Variants in OR2T2 observed in about 807,000 individuals in gnomAD.
OR2T2 encodes olfactory receptor family 2 subfamily T member 2.
For missense variants in OR2T2, 138 were observed against 409.1 expected, an observed-to-expected ratio of 0.34 and a Z score of 5.72; for synonymous variants, 50 against 162.7, an observed-to-expected ratio of 0.31 and a Z score of 5.27.
At chr1:248,450,320 C>G (rs553108999) in intron 2 of OR2T2, among the ~76,000 whole-genome samples, 1 of 142,698 alleles carries the variant, frequency 7.0e-6, no homozygotes. Context: ...CACATGTACA[C>G]ACAACGCTCA....
chr1:248,446,989 G>A (rs1662676661), intron 2 of OR2T2, among the ~76,000 whole-genome samples, 178 bp downstream of exon 2: 1 of 147,530 alleles, frequency 6.8e-6, no homozygotes, highest in South Asian at 2.1e-4. Flanking sequence ...TTTCCAAATT[G>A]TCAGTTGGGA....
At chr1:248,449,866 G>A (rs1259945866) in intron 2 of OR2T2, among the ~76,000 whole-genome samples, 4 of 130,956 alleles carry the variant, frequency 3.1e-5, no homozygotes, top group Non-Finnish European at 6.0e-5. Flanking sequence ...TGATGAAGGG[G>A]AACCTAAGTG....
At chr1:248,452,815 T>C (rs1306192983) in exon 3 of OR2T2, 1 of 1,613,690 alleles carries the variant, frequency 6.2e-7, no homozygotes, top group East Asian at 2.2e-5. Flanking sequence ...TGGAGGGTCT[T>C]CTCCAGAACT....
intron 2 of OR2T2, among the ~76,000 whole-genome samples, chr1:248,447,360 T>A: frequency 7.3e-6 from 1 of 137,304 alleles, no homozygotes; most frequent in East Asian, 2.1e-4. Flanking sequence ...CAGGTGGATC[T>A]TTCATAAGTA....
At chr1:248,448,374 T>TTAA (rs1662718748) in intron 2 of OR2T2, among the ~76,000 whole-genome samples, 1 of 116,530 alleles carries the variant, frequency 8.6e-6, no homozygotes, top group Non-Finnish European at 1.7e-5. Context: ...TCTCTTACTG[T>TTAA]GCCTAACTTA....
At chr1:248,446,255 TTA>T (rs1239855451) in intron 1 of OR2T2, among the ~76,000 whole-genome samples, 2 of 144,444 alleles carry the variant, frequency 1.4e-5, no homozygotes, top group African/African-American at 5.7e-5. Flanking sequence ...AATAAAACTA[TTA>T]GAGGTCTCCT....
exon 2 of OR2T2, chr1:248,446,661 C>T (rs1214580066): frequency 2.7e-5 from 4 of 148,236 alleles, no homozygotes; most frequent in Non-Finnish European, 5.9e-5. Flanking sequence ...CGAACTGACA[C>T]TGCTGCCCAG....
At position 248,446,330 on chromosome 1, in the gene OR2T2, G is replaced by C. The variant is rs1373438201; in HGVS notation, c.-245-259G>C. Among the ~76,000 whole-genome samples, 4 of 144,974 alleles carry C rather than the reference G, an allele frequency of 2.8e-5. No individual in the cohort carries two copies. The South Asian group carries it at 6.3e-4, about 23-fold the overall frequency. On this transcript the variant is annotated intron_variant, in intron 1 of 2. Coordinates refer to ENST00000642130, the Ensembl canonical transcript of OR2T2. ...GCTGAGTAACTGGAGCCCAGGGGGA[G>C]ATGTGGACATGTTGGAAGCTCAGGC...
At chr1:248,448,363 ATC>A (rs2103019023) in intron 2 of OR2T2, among the ~76,000 whole-genome samples, 1 of 122,162 alleles carries the variant, frequency 8.2e-6, no homozygotes, top group South Asian at 3.2e-4. Context: ...ATTATTGTTA[ATC>A]TCTTACTGTG....
In OR2T2 at chr1:248,453,501, G is replaced by A. The variant is rs150704816; in HGVS notation, c.704G>A (p.Arg235Gln). 2.8e-5 allele frequency: 45 copies of A among 1,587,330 alleles called. 1 individual carries two copies. The highest frequency in any genetic ancestry group is 2.7e-4 in the African/African-American group (20 of 73,752). Residue 235 changes from arginine to glutamine, a missense_variant, in exon 3 of 3, where the codon CGG becomes CAG. By Grantham distance (43) the Arg-to-Gln change is conservative. Coordinates refer to ENST00000642130, the Ensembl canonical transcript of OR2T2. ...CACAGGATGAACTCTGCTGAGGGCC[G>A]GCGCAAAGCCTTTGCTACGTGTTCC... is the stretch of plus-strand genomic sequence containing the variant.
chr1:248,449,266 T>C (rs1444600150), intron 2 of OR2T2: 1 of 152,254 alleles, frequency 6.6e-6, no homozygotes. Context: ...GAAAGGACAC[T>C]GGCAGATACT....
chr1:248,445,882 C>T (rs545722685), intron 1 of OR2T2, among the ~76,000 whole-genome samples: 6 of 150,330 alleles, frequency 4.0e-5, no homozygotes, highest in East Asian at 3.9e-4. Context: ...TAGCATGAAA[C>T]GTGGGAAGCT....
Position 248,453,511 on chromosome 1 carries a change from C to T in OR2T2, c.714C>T (p.Ala238=), listed in dbSNP as rs149780790. Residue 238 remains alanine (A), a synonymous_variant, in exon 3 of 3, where the codon GCC becomes GCT. Coordinates refer to ENST00000642130, the Ensembl canonical transcript of OR2T2. ...ACTCTGCTGAGGGCCGGCGCAAAGCCTTTGCTACGTGTTCCTCCCACATTA... is the reference window on the plus strand; with the variant it reads ...ACTCTGCTGAGGGCCGGCGCAAAGCTTTTGCTACGTGTTCCTCCCACATTA... 302 of 1,577,286 alleles carry T rather than the reference C, an allele frequency of 1.9e-4. No individual in the cohort carries two copies. In the African/African-American group the frequency reaches 3.5e-3, roughly 18 times the overall value.
At chr1:248,453,528 C>G (rs552891990) in exon 3 of OR2T2, 2 of 1,567,910 alleles carry the variant, frequency 1.3e-6, no homozygotes, top group African/African-American at 2.8e-5. Flanking sequence ...ACGTGTTCCT[C>G]CCACATTATG....
At chr1:248,446,747 C>A (rs1662666436) in exon 2 of OR2T2, 1 of 148,708 alleles carries the variant, frequency 6.7e-6, no homozygotes, top group African/African-American at 2.6e-5. Context: ...TCTCAATGCT[C>A]CAGGAAACCA....
In OR2T2 at chr1:248,453,058, G is replaced by T. The variant is rs746742043; in HGVS notation, c.261G>T (p.Leu87=). Reference sequence around the variant, plus strand: ...TCCCCAAGATGCTCCAGGACCTCCTGTCCAAGGACAAGACCATTTCCTTCC... The same window carrying T: ...TCCCCAAGATGCTCCAGGACCTCCTTTCCAAGGACAAGACCATTTCCTTCC... The change falls in exon 3 of 3, where the codon CTG becomes CTT. Residue 87 remains leucine, a synonymous_variant. Transcript: ENST00000642130. 2.5e-6 allele frequency: 4 copies of T among 1,613,216 alleles called. No individual in the cohort carries two copies. In the African/African-American group the frequency reaches 5.4e-5, roughly 22 times the overall value.
At chr1:248,455,150 A>G (rs1662906067) in exon 3 of OR2T2, 1 of 149,936 alleles carries the variant, frequency 6.7e-6, no homozygotes, top group Admixed American at 6.6e-5. Flanking sequence ...CTGAAATATG[A>G]GACATAAAAA....
At chr1:248,447,154 C>T (rs1193660528) in intron 2 of OR2T2, among the ~76,000 whole-genome samples, 2 of 151,472 alleles carry the variant, frequency 1.3e-5, no homozygotes, top group East Asian at 1.9e-4. Context: ...TACTACGTTG[C>T]TGTGGAGAGA....
chr1:248,447,179 GATT>G (rs1208428422), intron 2 of OR2T2, among the ~76,000 whole-genome samples: 2 of 150,126 alleles, frequency 1.3e-5, no homozygotes, highest in African/African-American at 5.0e-5. Context: ...GATAAAATCT[GATT>G]AATGTAGGAA....
Sources: allele counts gnomAD v4.1 joint callset (sites outside exome capture counted in the v4.1 genomes callset), GRCh38; gene constraint gnomAD v4.1.1; transcripts MANE v1.5; gene names NCBI Gene and HGNC (gene_info 2026-07-23, HGNC 2026-07-21).